The following SYN2 variants were observed in gnomAD, a reference collection of about 807,000 sequenced individuals.
The protein encoded by SYN2 is synapsin-2.
A neutral mutation model predicts 50.9 loss-of-function variants in SYN2; 19 were observed. That is an observed-to-expected ratio of 0.37 (90% CI 0.26 to 0.55). The LOEUF (loss-of-function observed/expected upper bound fraction) is 0.55. SYN2 is among the 20% of genes least tolerant of loss of function. SYN2 has a pLI of 0.81. For missense variants in SYN2, 587 were observed against 576.4 expected (o/e 1.02, Z -0.19); for synonymous variants, 255 against 224.9 (o/e 1.13, Z -1.20).
chr3:12,158,342 G>C (rs533569810), intron 5 of SYN2, among the ~76,000 whole-genome samples: 142 of 152,308 alleles, frequency 9.3e-4, no homozygotes, highest in Middle Eastern at 3.4e-3. Context: ...GACACGGGTA[G>C]TTACAATGCA....
Position 12,044,200 on chromosome 3 carries a change from CA to C in SYN2, c.377+39273del, listed in dbSNP as rs1422212754. Reference sequence around the variant, plus strand: ...TCTCTCTCACACACACACACACACACACACACACACACACACACACACAGGT... The same window carrying C: ...TCTCTCTCACACACACACACACACACCACACACACACACACACACACAGGT... On this transcript the variant is annotated intron_variant, in intron 1 of 12. Transcript: ENST00000621198. Among the ~76,000 whole-genome samples, 20 of 150,346 alleles carry C rather than the reference CA, an allele frequency of 1.3e-4. No individual in the cohort carries two copies. The East Asian group carries it at 2.9e-3, about 22-fold the overall frequency.
intron 1 of SYN2, among the ~76,000 whole-genome samples, chr3:12,028,719 G>A (rs1406276928): frequency 1.4e-5 from 2 of 147,596 alleles, no homozygotes; most frequent in African/African-American, 5.1e-5. Context: ...TTTTTGATGG[G>A]GTTGTTTGTT....
rs527883023 is a variant in SYN2, at chr3:12,117,611, A to G, written c.378-23040A>G. Among the ~76,000 whole-genome samples the G allele has an allele frequency of 1.3e-4, 20 of 152,348 alleles. No homozygotes were observed. The East Asian group carries it at 3.9e-3, about 29-fold the overall frequency. On this transcript the variant is annotated intron_variant, in intron 1 of 12. Coordinates refer to ENST00000621198, the MANE Select transcript of SYN2 (RefSeq NM_133625.6). The stretch of plus-strand genomic sequence containing the variant: ...CCAACTCACCCTCCCAAATAACATC[A>G]GGAACTGGAACCAACAGCATTCTGG...
intron 1 of SYN2, among the ~76,000 whole-genome samples, chr3:12,058,656 CAG>C (rs1695051187): frequency 6.6e-6 from 1 of 152,134 alleles, no homozygotes; most frequent in Non-Finnish European, 1.5e-5. Flanking sequence ...AGTGCTGGAA[CAG>C]GGGGAGAGGG....
intron 1 of SYN2, among the ~76,000 whole-genome samples, chr3:12,020,791 T>C (rs1694117423): frequency 6.6e-6 from 1 of 152,236 alleles, no homozygotes; most frequent in Non-Finnish European, 1.5e-5. Context: ...GAATTGGTGC[T>C]GTAACGCGAG....
intron 1 of SYN2, among the ~76,000 whole-genome samples, chr3:12,132,541 C>G (rs568309822): frequency 6.6e-6 from 1 of 152,174 alleles, no homozygotes; most frequent in Non-Finnish European, 1.5e-5. Context: ...TTCCCTCCTC[C>G]TCCACACCCA....
Position 12,190,928 on chromosome 3 carries a change from CCATCAT to C in SYN2, c.*304_*309del. On this transcript the variant is annotated 3_prime_UTR_variant, in exon 13 of 13. Coordinates refer to ENST00000621198, the MANE Select transcript of SYN2 (RefSeq NM_133625.6). Reference sequence around the variant, plus strand: ...GTTTAGTGGCCTTATTGTGACAGTGCCATCATGTCTTATTCTTCCCTGTGAAACCAG... The same window carrying C: ...GTTTAGTGGCCTTATTGTGACAGTGCGTCTTATTCTTCCCTGTGAAACCAG... The C allele has an allele frequency of 1.8e-6, 2 of 1,118,408 alleles. No homozygotes were observed. The highest frequency in any genetic ancestry group is 2.2e-6 in the Non-Finnish European group (2 of 915,208). The allele number at this position is 1,118,408 out of a possible 1,614,324, so 69.3% of individuals were successfully genotyped here. A position where few individuals can be genotyped will look rare whatever the true frequency, so the allele number is the denominator to read the frequency against.
At chr3:12,026,228 A>C (rs184875727) in intron 1 of SYN2, among the ~76,000 whole-genome samples, 3 of 152,180 alleles carry the variant, frequency 2.0e-5, no homozygotes, top group Admixed American at 6.5e-5. Context: ...TCATTTATTG[A>C]ATATGCACTG....
At chr3:12,155,793 A>G (rs1173914883) in intron 5 of SYN2, among the ~76,000 whole-genome samples, 2 of 152,160 alleles carry the variant, frequency 1.3e-5, no homozygotes, top group Non-Finnish European at 2.9e-5. Flanking sequence ...CTCCATGCCT[A>G]GCAGCGGGCT....
At chr3:12,127,077 T>C (rs1696686502) in intron 1 of SYN2, among the ~76,000 whole-genome samples, 1 of 152,198 alleles carries the variant, frequency 6.6e-6, no homozygotes, top group African/African-American at 2.4e-5. Context: ...ATATATTTCA[T>C]TACAACAGCA....
chr3:12,130,792 G>T (rs927738437), intron 1 of SYN2, among the ~76,000 whole-genome samples: 1 of 152,178 alleles, frequency 6.6e-6, no homozygotes, highest in African/African-American at 2.4e-5. Flanking sequence ...ATACAGAGGA[G>T]AAAAGAGACA....
At chr3:12,085,377 A>ATG (rs1559413821) in intron 1 of SYN2, among the ~76,000 whole-genome samples, 4 of 151,180 alleles carry the variant, frequency 2.6e-5, no homozygotes, top group South Asian at 2.1e-4. Flanking sequence ...ACACACACAC[A>ATG]CACGCACGCA....
At chr3:12,030,645 G>T (rs1694362787) in intron 1 of SYN2, among the ~76,000 whole-genome samples, 2 of 137,722 alleles carry the variant, frequency 1.5e-5, no homozygotes, top group Non-Finnish European at 3.1e-5. Context: ...ATTTCTTCTA[G>T]ATTTTCTAGT....
At chr3:12,113,983 G>C (rs1461472218) in intron 1 of SYN2, among the ~76,000 whole-genome samples, 1 of 152,042 alleles carries the variant, frequency 6.6e-6, no homozygotes, top group Non-Finnish European at 1.5e-5. Flanking sequence ...GTAACTCTAT[G>C]TTTAACTTCC....
At chr3:12,030,881 A>T in intron 1 of SYN2, among the ~76,000 whole-genome samples, 3 of 131,204 alleles carry the variant, frequency 2.3e-5, no homozygotes, top group African/African-American at 5.8e-5. Flanking sequence ...TATTTCCTTC[A>T]GTTCTTCTCT....
intron 1 of SYN2, among the ~76,000 whole-genome samples, chr3:12,020,362 ATCC>A (rs1694107063): frequency 8.4e-6 from 1 of 119,078 alleles, no homozygotes; most frequent in Non-Finnish European, 1.6e-5. Context: ...CTCTTGCAAC[ATCC>A]TCCTCTTCTT....
chr3:12,026,450 T>C (rs1694258913), intron 1 of SYN2, among the ~76,000 whole-genome samples: 1 of 151,984 alleles, frequency 6.6e-6, no homozygotes, highest in Non-Finnish European at 1.5e-5. Flanking sequence ...CTCTGATCAC[T>C]ATGAGAAAAT....
In SYN2 at chr3:12,153,588, A is replaced by G. The variant is rs750207308; in HGVS notation, c.774+2262A>G. 7.5e-5 allele frequency: 121 copies of G among 1,614,052 alleles called. No individual in the cohort carries two copies. The highest frequency in any genetic ancestry group is 6.6e-4 in the Middle Eastern group (4 of 6,076). On this transcript the variant is annotated intron_variant, in intron 5 of 12. Transcript: ENST00000621198. ...CCGGTACCAGCTGCAGGTGCCGTCAACATGCTTCATACAGACATAATGCTG... is the reference window on the plus strand; with the variant it reads ...CCGGTACCAGCTGCAGGTGCCGTCAGCATGCTTCATACAGACATAATGCTG...
chr3:12,023,750 A>G (rs1468806173), intron 1 of SYN2, among the ~76,000 whole-genome samples: 2 of 152,214 alleles, frequency 1.3e-5, no homozygotes, highest in African/African-American at 4.8e-5. Context: ...AAGACAGTGT[A>G]GAAAATGGGC....
Sources: allele counts gnomAD v4.1 joint callset (sites outside exome capture counted in the v4.1 genomes callset), GRCh38; gene constraint gnomAD v4.1.1; transcripts MANE v1.5; gene names NCBI Gene and HGNC (gene_info 2026-07-23, HGNC 2026-07-21).